Variants in ABCG1 observed in about 807,000 individuals in gnomAD.
ABCG1 encodes ATP binding cassette subfamily G member 1, also known as ATP-binding cassette sub-family G member 1.
A neutral mutation model predicts 69.2 loss-of-function variants in ABCG1; 29 were observed. The ratio of observed to expected loss-of-function variants is 0.42; its 90% CI spans 0.31 to 0.57. The LOEUF (loss-of-function observed/expected upper bound fraction) is 0.57, where lower values mean the gene tolerates loss of function less well. Among genes scored for constraint, ABCG1 ranks in the 20% least tolerant of loss-of-function variants. The probability of loss-of-function intolerance (pLI) is 0.15; values close to 1 mark genes in which losing one functional copy is unlikely to be tolerated. For missense variants in ABCG1, 718 were observed against 898.1 expected, an observed-to-expected ratio of 0.80 and a Z score of 2.56; for synonymous variants, 370 against 374.8, an observed-to-expected ratio of 0.99 and a Z score of 0.15.
chr21:42,223,767 A>C (rs985542403), intron 1 of ABCG1, among the ~76,000 whole-genome samples: 1 of 152,204 alleles, frequency 6.6e-6, no homozygotes, highest in Non-Finnish European at 1.5e-5. Flanking sequence ...GAGTGAGCAG[A>C]TAGTGAGTCT....
chr21:42,243,492 G>A (rs1021783239), intron 2 of ABCG1, among the ~76,000 whole-genome samples: 2 of 123,502 alleles, frequency 1.6e-5, no homozygotes, highest in African/African-American at 3.2e-5. Flanking sequence ...GTGTGTGTGC[G>A]CTGGTTTATA....
At chr21:42,252,435 C>T (rs769336114) in intron 2 of ABCG1, among the ~76,000 whole-genome samples, 72 of 152,196 alleles carry the variant, frequency 4.7e-4, no homozygotes, top group Non-Finnish European at 8.1e-4. Context: ...GGGCCAAGTG[C>T]GAGCCAGTGT....
intron 2 of ABCG1, among the ~76,000 whole-genome samples, chr21:42,233,165 G>A (rs940742709): frequency 6.6e-6 from 1 of 152,212 alleles, no homozygotes. Context: ...GCAGCCAAGA[G>A]TTTCACTTCC....
intron 2 of ABCG1, among the ~76,000 whole-genome samples, chr21:42,243,088 G>A (rs1038550226): frequency 1.3e-5 from 2 of 152,210 alleles, no homozygotes; most frequent in African/African-American, 4.8e-5. Flanking sequence ...CCACAGGCAG[G>A]AGTGAGGGCC....
At chr21:42,233,831 G>T (rs1167617758) in intron 2 of ABCG1, among the ~76,000 whole-genome samples, 5 of 152,232 alleles carry the variant, frequency 3.3e-5, no homozygotes, top group Non-Finnish European at 7.3e-5. Context: ...GGTGGAACCC[G>T]CTGGAAGGGC....
chr21:42,283,762 G>A (rs1423701936), intron 6 of ABCG1, among the ~76,000 whole-genome samples: 2 of 58,738 alleles, frequency 3.4e-5, no homozygotes, highest in Non-Finnish European at 7.3e-5. Flanking sequence ...GTCCTGCCTG[G>A]ACAGTTGTGA....
chr21:42,239,016 G>T (rs930766177), intron 2 of ABCG1, among the ~76,000 whole-genome samples: 1 of 152,202 alleles, frequency 6.6e-6, no homozygotes, highest in Admixed American at 6.5e-5. Flanking sequence ...AGGTTAAGAT[G>T]AATTGAACTA....
chr21:42,255,449 G>A (rs1453507383), intron 2 of ABCG1, among the ~76,000 whole-genome samples: 1 of 152,120 alleles, frequency 6.6e-6, no homozygotes, highest in Non-Finnish European at 1.5e-5. Context: ...TCCATGTGTG[G>A]GTGTGTGTGC....
chr21:42,242,694 G>A (rs1569215336), intron 2 of ABCG1, among the ~76,000 whole-genome samples: 1 of 152,206 alleles, frequency 6.6e-6, no homozygotes, highest in Non-Finnish European at 1.5e-5. Context: ...TCCGGCTCTT[G>A]TGTTATTTCA....
exon 2 of ABCG1, chr21:42,201,584 C>A: frequency 6.5e-7 from 1 of 1,541,572 alleles, no homozygotes; most frequent in Non-Finnish European, 8.8e-7. Context: ...CAGCGCTACA[C>A]CAACCTGAAC....
chr21:42,228,605 C>A (rs988080421), intron 2 of ABCG1, among the ~76,000 whole-genome samples: 1 of 152,214 alleles, frequency 6.6e-6, no homozygotes, highest in South Asian at 2.1e-4. Flanking sequence ...ATGAGGACAG[C>A]AATTTCTAGC....
At chr21:42,236,503 AT>A (rs1236025934) in intron 2 of ABCG1, among the ~76,000 whole-genome samples, 13 of 152,160 alleles carry the variant, frequency 8.5e-5, no homozygotes, top group Admixed American at 4.6e-4. Context: ...TTTGGGCATA[AT>A]TTAGGTGTTT....
rs771754972 is a variant in ABCG1, at chr21:42,288,150, CAAG to C, written c.1123-57_1123-55del. The C allele has an allele frequency of 1.2e-6, 2 of 1,610,536 alleles. No homozygotes were observed. Among genetic ancestry groups the C allele is most frequent in the African/African-American group, 1.3e-5 (1 of 74,982 alleles). ...CTGCTGCATGAGAGCTCTTTCCGAG[CAAG>C]AAGGAGCCGTGGCTCCGGACTGGCT... On this transcript the variant is annotated intron_variant, in intron 9 of 14. Transcript: ENST00000398449. This position sits in a 1 kb window ranked among gnomAD's most constrained non-coding sequence, Gnocchi z 4.8.
Position 42,296,439 on chromosome 21 carries a change from G to A in ABCG1, c.*47G>A, listed in dbSNP as rs998652127. 1.3e-6 allele frequency: 2 copies of A among 1,549,592 alleles called. No individual in the cohort carries two copies. Among genetic ancestry groups the A allele is most frequent in the Non-Finnish European group, 1.8e-6 (2 of 1,134,638 alleles). ...AGGAAGATTAGACACTGTGGCCGAG[G>A]GCACGTCTAGAATCGAGGAGGCAAG... On this transcript the variant is annotated 3_prime_UTR_variant, in exon 15 of 15. Transcript: ENST00000398449. The surrounding 1 kb of genome is among the most constrained non-coding windows in gnomAD (Gnocchi z 5.4).
At chr21:42,237,302 G>A (rs151005314) in intron 2 of ABCG1, among the ~76,000 whole-genome samples, 5 of 152,278 alleles carry the variant, frequency 3.3e-5, no homozygotes, top group Non-Finnish European at 5.9e-5. Context: ...CCAGCCCTGC[G>A]TCTCCGCAGC....
chr21:42,271,522 G>A (rs187787670), intron 3 of ABCG1, among the ~76,000 whole-genome samples: 2 of 151,610 alleles, frequency 1.3e-5, no homozygotes, highest in East Asian at 3.9e-4. Context: ...GCAAGTTGAA[G>A]AGAGACAAGG....
At chr21:42,261,951 T>C (rs2068421929) in intron 2 of ABCG1, among the ~76,000 whole-genome samples, 1 of 152,172 alleles carries the variant, frequency 6.6e-6, no homozygotes, top group Non-Finnish European at 1.5e-5. Flanking sequence ...TTGGTGCTGC[T>C]GGGAAACAAA....
chr21:42,294,826 C>T (rs1011497814), intron 14 of ABCG1, 166 bp downstream of exon 14: 5 of 632,996 alleles, frequency 7.9e-6, no homozygotes, highest in Non-Finnish European at 1.4e-5. Flanking sequence ...CCACCTCCTC[C>T]TACCCTCACC....
chr21:42,231,267 T>G (rs922813337), intron 2 of ABCG1, among the ~76,000 whole-genome samples: 1 of 152,190 alleles, frequency 6.6e-6, no homozygotes, highest in African/African-American at 2.4e-5. Context: ...GAAGTTCAGG[T>G]TGAGAACAAA....
Sources: gnomAD v4.1 joint callset for allele counts (sites outside exome capture counted in the v4.1 genomes callset) on GRCh38, gnomAD v4.1.1 for gene constraint, Gnocchi (gnomAD v3.1) non-coding constraint, MANE v1.5 for transcripts, NCBI Gene and HGNC (gene_info 2026-07-23, HGNC 2026-07-21) for gene names.